The following LAMA2 variants were observed in gnomAD, a reference collection of about 807,000 sequenced individuals.
LAMA2 encodes laminin subunit alpha-2.
In LAMA2, 269 loss-of-function variants were observed where a neutral mutation model predicts 364.8. The ratio of observed to expected loss-of-function variants is 0.74; its 90% CI spans 0.67 to 0.82. The LOEUF (loss-of-function observed/expected upper bound fraction) is 0.82, where lower values mean the gene tolerates loss of function less well. Ranked by LOEUF, LAMA2 falls within the 40% of genes least tolerant of loss-of-function variation. The pLI is 0.00. For missense variants in LAMA2, 3,807 were observed against 3,873.2 expected, an observed-to-expected ratio of 0.98 and a Z score of 0.45; for synonymous variants, 1,379 against 1,370.6, an observed-to-expected ratio of 1.01 and a Z score of -0.14.
rs750931031 is a variant in LAMA2 at position 129,315,498 on chromosome 6, C to G, written c.3578C>G (p.Thr1193Ser). The G allele has an allele frequency of 5.0e-6, 8 of 1,614,048 alleles. No individual in the cohort carries two copies. The Middle Eastern group carries it at 4.9e-4, about 99-fold the overall frequency. ...CAGGTGACTCTGAAGGCTGAGCAGA[C>G]CATTCTACCCCTGGTAGATGAGGCT... ...RTWVTLKAEQ[T>S]ILPLVDEALQ... Residue 1193 changes from threonine to serine, a missense_variant, in exon 25 of 65, where the codon ACC (threonine) becomes AGC (serine). Physicochemically the swap from Thr to Ser is moderately conservative, Grantham distance 58. This residue lies in a region of LAMA2 where 3,333 missense variants were observed against 3,345.7 expected (regional missense o/e 1.00). Transcript: ENST00000421865.
chr6:129,431,405 A>C (rs1418575770), intron 41 of LAMA2, among the ~76,000 whole-genome samples: 1 of 151,846 alleles, frequency 6.6e-6, no homozygotes, highest in African/African-American at 2.4e-5. Flanking sequence ...TCTAAAAAAA[A>C]AAAAAAAAAA....
chr6:129,356,569 A>G (rs1364094488), intron 32 of LAMA2, among the ~76,000 whole-genome samples: 1 of 152,080 alleles, frequency 6.6e-6, no homozygotes, highest in Non-Finnish European at 1.5e-5. Flanking sequence ...TAGATCCGTG[A>G]TTTGAGCATG....
At chr6:129,166,911 G>A (rs771040530) in intron 9 of LAMA2, among the ~76,000 whole-genome samples, 1 of 151,922 alleles carries the variant, frequency 6.6e-6, no homozygotes, top group Admixed American at 6.6e-5. Context: ...ATTATTATAT[G>A]GTCGTGCCAT....
intron 12 of LAMA2, among the ~76,000 whole-genome samples, chr6:129,228,584 A>G (rs1784481788): frequency 1.3e-5 from 2 of 152,208 alleles, no homozygotes; most frequent in African/African-American, 2.4e-5. Flanking sequence ...ACTTATTTAC[A>G]TTTTAATAAT....
rs1782119637 is a variant in LAMA2, at chr6:129,200,149, C to CGTGTATATATATAT, written c.1782+7296_1782+7297insGTGTATATATATAT. Among the ~76,000 whole-genome samples the CGTGTATATATATAT allele has an allele frequency of 8.1e-5, 7 of 86,842 alleles. 1 individual carries two copies. The highest frequency in any genetic ancestry group is 3.5e-4 in the African/African-American group (7 of 19,964). 57.0% of individuals were successfully genotyped at this position (86,842 alleles called of 152,430 possible). ...GTATATATATACGTGTACACATATA[C>CGTGTATATATATAT]ACGTGTATATATATATACGTGTACA... is the stretch of plus-strand genomic sequence containing the variant. On this transcript the variant is annotated intron_variant, in intron 12 of 64. Transcript: ENST00000421865.
At chr6:129,200,304 G>GTA (rs1246413487) in intron 12 of LAMA2, among the ~76,000 whole-genome samples, 3 of 137,264 alleles carry the variant, frequency 2.2e-5, no homozygotes, top group Admixed American at 7.0e-5. Flanking sequence ...ATATACATGT[G>GTA]TGTATATATA....
Position 129,421,325 on chromosome 6 carries a change from C to A in LAMA2, c.5866-6427C>A, listed in dbSNP as rs192921846. 2.6e-5 allele frequency among the ~76,000 whole-genome samples: 4 copies of A among 151,374 alleles called. No individual in the cohort carries two copies. In the East Asian group the frequency reaches 7.7e-4, roughly 29 times the overall value. On this transcript the variant is annotated intron_variant, in intron 40 of 64. Transcript: ENST00000421865. ...TGAAATTTTTATATAACTTGTATATCCATATGTATGAATATATATATATGT... is the reference window on the plus strand; with the variant it reads ...TGAAATTTTTATATAACTTGTATATACATATGTATGAATATATATATATGT...
intron 1 of LAMA2, among the ~76,000 whole-genome samples, chr6:128,968,779 T>C (rs1208563637): frequency 6.6e-6 from 1 of 152,074 alleles, no homozygotes; most frequent in Non-Finnish European, 1.5e-5. Context: ...TGGAGACAGG[T>C]AGGGGCCAGG....
intron 1 of LAMA2, among the ~76,000 whole-genome samples, chr6:129,008,427 T>G (rs576580276): frequency 6.6e-6 from 1 of 152,182 alleles, no homozygotes; most frequent in African/African-American, 2.4e-5. Flanking sequence ...AGTAGTCCTA[T>G]GACTGCTGGA....
At chr6:129,233,551 G>C (rs1227388122) in intron 12 of LAMA2, among the ~76,000 whole-genome samples, 2 of 152,156 alleles carry the variant, frequency 1.3e-5, no homozygotes, top group African/African-American at 4.8e-5. Context: ...TGTTAATCAA[G>C]TGAAAGTTGA....
In LAMA2 at chr6:129,366,239, G is replaced by A. The variant is rs1777766447; in HGVS notation, c.4738G>A (p.Gly1580Ser). ...CACAGTTTGTGGAGATGAGTGCACT[G>A]GCCTTCTTCTCGGTGACTTGGCTCG... Reference protein sequence around the residue: ...ECVFCGDECTGLLLGDLARLE... With the variant: ...ECVFCGDECTSLLLGDLARLE... Residue 1580 changes from glycine to serine, a missense_variant, in exon 33 of 65, where the codon GGC becomes AGC. By Grantham distance (56) the Gly-to-Ser change is moderately conservative. Around this residue, in one of 3 missense-constraint regions of LAMA2, gnomAD observed 3,333 missense variants for 3,345.7 expected, o/e 1.00. Coordinates refer to ENST00000421865, the MANE Select transcript of LAMA2 (RefSeq NM_000426.4). 3 of 1,613,818 alleles carry A rather than the reference G, an allele frequency of 1.9e-6. No individual in the cohort carries two copies. The highest frequency in any genetic ancestry group is 2.5e-6 in the Non-Finnish European group (3 of 1,179,944).
intron 4 of LAMA2, 131 bp from the exon 5 acceptor site, chr6:129,143,770 G>A (rs1390160839): frequency 4.5e-6 from 3 of 672,292 alleles, no homozygotes; most frequent in East Asian, 2.7e-5. Context: ...CCAGTGCATA[G>A]GCATGTACCT....
At chr6:129,058,344 G>C (rs1258715578) in intron 2 of LAMA2, among the ~76,000 whole-genome samples, 1 of 152,200 alleles carries the variant, frequency 6.6e-6, no homozygotes, top group Admixed American at 6.5e-5. Context: ...GAGAAACTGT[G>C]AGCTTTGAGG....
rs144053918 is a variant in LAMA2, at chr6:129,147,041, C to A, written c.902C>A (p.Ala301Glu). ...GCCAGGGCTTGTCCACTTGATCCAG[C>A]GACAAATGTATGTATATTTATAGGA... The part of the protein sequence containing the change: ...GHARACPLDP[A>E]TNKSRCECEH... Residue 301 changes from alanine to glutamate, a missense_variant, in exon 6 of 65, where the codon GCG becomes GAG. Ala to Glu is a moderately radical substitution (Grantham distance 107). This residue lies in a region of LAMA2 where 394 missense variants were observed against 403.5 expected (regional missense o/e 0.98). Transcript: ENST00000421865. 6.3e-7 allele frequency: 1 copy of A among 1,596,874 alleles called. No individual in the cohort carries two copies. The highest frequency in any genetic ancestry group is 8.6e-7 in the Non-Finnish European group (1 of 1,164,504).
Position 129,315,617 on chromosome 6 carries a change from T to C in LAMA2, c.3697T>C (p.Phe1233Leu), listed in dbSNP as rs1774540665. 1.2e-6 allele frequency: 2 copies of C among 1,614,044 alleles called. No homozygotes were observed. The highest frequency in any genetic ancestry group is 1.7e-6 in the Non-Finnish European group (2 of 1,180,026). Residue 1233 changes from phenylalanine (F) to leucine (L), a missense_variant, in exon 25 of 65, where the codon TTT (phenylalanine) becomes CTT (leucine). Phe to Leu is a conservative substitution (Grantham distance 22). Around this residue, in one of 3 missense-constraint regions of LAMA2, gnomAD observed 3,333 missense variants for 3,345.7 expected, o/e 1.00. Coordinates refer to ENST00000421865, the MANE Select transcript of LAMA2 (RefSeq NM_000426.4). The stretch of plus-strand genomic sequence containing the variant: ...GAGAGAAGATCTCCATTTGGAACCT[T>C]TTTATTGGAAACTTCCAGAACAATT... Reference protein sequence around the residue: ...LMREDLHLEPFYWKLPEQFEG... With the variant: ...LMREDLHLEPLYWKLPEQFEG...
chr6:129,117,722 C>G (rs1320229340), intron 4 of LAMA2, among the ~76,000 whole-genome samples: 3 of 152,210 alleles, frequency 2.0e-5, no homozygotes, highest in African/African-American at 7.2e-5. Context: ...GTGCCAAGTA[C>G]CATTCTAAAT....
intron 37 of LAMA2, 49 bp downstream of exon 37, chr6:129,393,304 C>T (rs763247322): frequency 1.7e-5 from 24 of 1,388,860 alleles, no homozygotes; most frequent in South Asian, 9.3e-5. Context: ...TTGGGGACTG[C>T]GGGGGCAGTG....
chr6:129,367,944 A>G (rs1777865067), intron 33 of LAMA2, among the ~76,000 whole-genome samples: 1 of 152,238 alleles, frequency 6.6e-6, no homozygotes, highest in Non-Finnish European at 1.5e-5. Flanking sequence ...CAATAGAAAT[A>G]TATCTCTCAC....
At chr6:129,046,570 A>T (rs566307986) in intron 1 of LAMA2, among the ~76,000 whole-genome samples, 3 of 152,222 alleles carry the variant, frequency 2.0e-5, no homozygotes, top group Non-Finnish European at 4.4e-5. Flanking sequence ...CATGGGGATT[A>T]CAGGCGCTAC....
Sources: allele counts gnomAD v4.1 joint callset (sites outside exome capture counted in the v4.1 genomes callset), GRCh38; gene constraint gnomAD v4.1.1; regional missense constraint gnomAD v4.1.1; transcripts MANE v1.5; gene names NCBI Gene and HGNC (gene_info 2026-07-23, HGNC 2026-07-21).